Variants in DCT observed in about 807,000 individuals in gnomAD.
The protein encoded by DCT is L-dopachrome tautomerase.
In DCT, 47 loss-of-function variants were observed where a neutral mutation model predicts 53.0. That is an observed-to-expected ratio of 0.89 (90% confidence interval 0.70 to 1.13). The LOEUF (loss-of-function observed/expected upper bound fraction) is 1.13, where lower values mean the gene tolerates loss of function less well. Ranked by LOEUF, DCT falls within the 50% of genes most tolerant of loss-of-function variation. The pLI is 0.00. For synonymous variants in DCT, 244 were observed against 237.0 expected (o/e 1.03, Z -0.27); for missense variants, 669 against 637.4 (o/e 1.05, Z -0.53).
At chr13:94,498,556 A>G in the DCT span, among the ~76,000 whole-genome samples, 1 of 152,250 alleles carries the variant, frequency 6.6e-6, no homozygotes, top group Non-Finnish European at 1.5e-5. Context: ...AACCTGACCC[A>G]GCTAGCACAC....
chr13:94,464,740 G>T (rs1440860586), intron 4 of DCT, among the ~76,000 whole-genome samples: 2 of 152,094 alleles, frequency 1.3e-5, no homozygotes, highest in African/African-American at 2.4e-5. Flanking sequence ...ATTTTTGGCT[G>T]AAATGTGTTC....
chr13:94,446,965 G>A (rs1310685960), intron 6 of DCT, among the ~76,000 whole-genome samples: 3 of 152,030 alleles, frequency 2.0e-5, no homozygotes, highest in Non-Finnish European at 4.4e-5. Flanking sequence ...TTCCAAACAA[G>A]GTGACATTCT....
chr13:94,507,845 A>G, the DCT span, among the ~76,000 whole-genome samples: 2 of 152,240 alleles, frequency 1.3e-5, no homozygotes, highest in African/African-American at 2.4e-5. Flanking sequence ...ATATTAGCTC[A>G]GTTTTAATTA....
intron 1 of DCT, among the ~76,000 whole-genome samples, chr13:94,469,780 A>G (rs949622841): frequency 3.9e-5 from 6 of 152,234 alleles, no homozygotes; most frequent in African/African-American, 1.4e-4. Flanking sequence ...AGATGAAACC[A>G]AAATAAATAC....
intron 7 of DCT, among the ~76,000 whole-genome samples, chr13:94,443,171 G>T (rs1882466619): frequency 6.6e-6 from 1 of 152,174 alleles, no homozygotes; most frequent in Admixed American, 6.5e-5. Context: ...AGGTGTAAAA[G>T]CAGATAGTTC....
At chr13:94,447,676 G>T (rs77305438) in intron 6 of DCT, among the ~76,000 whole-genome samples, 31 of 152,324 alleles carry the variant, frequency 2.0e-4, no homozygotes, top group Admixed American at 3.9e-4. Flanking sequence ...AACCAATCAT[G>T]AACTTTTAGA....
At chr13:94,485,761 C>T in the DCT span, among the ~76,000 whole-genome samples, 1 of 152,080 alleles carries the variant, frequency 6.6e-6, no homozygotes, top group East Asian at 1.9e-4. Flanking sequence ...TGAGAAAGGG[C>T]TAAAAGTATT....
chr13:94,465,489 C>T, intron 4 of DCT, 144 bp downstream of exon 4: 4 of 581,726 alleles, frequency 6.9e-6, no homozygotes, highest in South Asian at 5.4e-5. Context: ...GAAATCCCAC[C>T]TCCCAGAGGA....
At chr13:94,488,428 T>A in the DCT span, among the ~76,000 whole-genome samples, 1 of 152,106 alleles carries the variant, frequency 6.6e-6, no homozygotes, top group African/African-American at 2.4e-5. Context: ...CCAAAATATG[T>A]TGTCTGCCAG....
upstream of DCT, among the ~76,000 whole-genome samples, chr13:94,481,423 T>A (rs1397752931): frequency 6.6e-6 from 1 of 152,324 alleles, no homozygotes; most frequent in South Asian, 2.1e-4. Context: ...ATTCATTCCA[T>A]GTATATTTAT....
chr13:94,531,843 G>A, the DCT span, among the ~76,000 whole-genome samples: 8 of 152,238 alleles, frequency 5.3e-5, no homozygotes, highest in African/African-American at 1.9e-4. Context: ...TATCATCAGA[G>A]TGAACAGGCA....
chr13:94,548,689 T>C, the DCT span, among the ~76,000 whole-genome samples: 1 of 151,708 alleles, frequency 6.6e-6, no homozygotes, highest in Non-Finnish European at 1.5e-5. Context: ...CTGATGCCCC[T>C]GAGTACCCAC....
At chr13:94,450,616 T>C (rs761315706) in intron 6 of DCT, among the ~76,000 whole-genome samples, 1 of 152,216 alleles carries the variant, frequency 6.6e-6, no homozygotes, top group Non-Finnish European at 1.5e-5. Flanking sequence ...ATGCTGATTC[T>C]AAACCCTTGA....
Position 94,462,135 on chromosome 13 carries a change from C to A in DCT, c.918G>T (p.Leu306Phe), listed in dbSNP as rs935027499. The A allele has an allele frequency of 4.3e-6, 7 of 1,613,292 alleles. No homozygotes were observed. In the African/African-American group the frequency reaches 6.7e-5, roughly 15 times the overall value. Residue 306 changes from leucine to phenylalanine, a missense_variant, in exon 5 of 8, where the codon TTG becomes TTT. Coordinates refer to ENST00000377028, the MANE Select transcript of DCT (RefSeq NM_001922.5). ...VTLCNGTYEG[L>F]LRRNQMGRNS... ...TTCTTCCCATTTGATTTCTTCTCAG[C>A]AAACCTTCATAGGTTCCATTGCACA... is the stretch of plus-strand genomic sequence containing the variant.
chr13:94,439,860 C>G lies in DCT; in HGVS notation c.*38G>C. 1 of 1,543,512 alleles carries G rather than the reference C, an allele frequency of 6.5e-7. No individual in the cohort carries two copies. The highest frequency in any genetic ancestry group is 8.8e-7 in the Non-Finnish European group (1 of 1,133,276). On this transcript the variant is annotated 3_prime_UTR_variant, in exon 8 of 8. Transcript: ENST00000377028. The stretch of plus-strand genomic sequence containing the variant: ...TTTATTGTCAGCGTCAGAACTGTGG[C>G]TTGGCCAGCCTCTTCTCTTAGGTAA...
At chr13:94,462,435 G>A (rs1335139445) in intron 4 of DCT, among the ~76,000 whole-genome samples, 1 of 151,782 alleles carries the variant, frequency 6.6e-6, no homozygotes, top group African/African-American at 2.4e-5. Context: ...AGGAGACAGA[G>A]GCTGCAGTGA....
the DCT span, among the ~76,000 whole-genome samples, chr13:94,544,591 A>T: frequency 6.6e-6 from 1 of 152,184 alleles, no homozygotes; most frequent in Non-Finnish European, 1.5e-5. Flanking sequence ...ACTGCAGACT[A>T]TCCTCCAAGA....
rs765736830 is a variant in DCT, at chr13:94,439,890, T to A, written c.*8A>T. On this transcript the variant is annotated 3_prime_UTR_variant, in exon 8 of 8. Coordinates refer to ENST00000377028, the MANE Select transcript of DCT (RefSeq NM_001922.5). ...CCAGCCTCTTCTCTTAGGTAAGGCA[T>A]GAGCACCCTAGGCTTCTTCTGTGTA... The A allele has an allele frequency of 3.7e-5, 60 of 1,608,476 alleles. No homozygotes were observed. Among genetic ancestry groups the A allele is most frequent in the Non-Finnish European group, 4.8e-5 (57 of 1,177,634 alleles).
chr13:94,546,595 A>C, the DCT span, among the ~76,000 whole-genome samples: 1 of 152,118 alleles, frequency 6.6e-6, no homozygotes, highest in Non-Finnish European at 1.5e-5. The surrounding 1 kb of genome is among the most constrained non-coding windows in gnomAD (Gnocchi z 4.2). Flanking sequence ...AGGCATGAGC[A>C]CAGCAGGAGA....
Sources: allele counts gnomAD v4.1 joint callset (sites outside exome capture counted in the v4.1 genomes callset), GRCh38; gene constraint gnomAD v4.1.1; non-coding constraint Gnocchi (gnomAD v3.1); transcripts MANE v1.5; gene names NCBI Gene and HGNC (gene_info 2026-07-23, HGNC 2026-07-21).